ARL6IP1: variants seen among roughly 807,000 people sequenced by gnomAD.
The protein encoded by ARL6IP1 is ADP-ribosylation factor-like protein 6-interacting protein 1.
Under a neutral mutation model 30.1 loss-of-function variants are expected in ARL6IP1, and 16 were observed. The ratio of observed to expected loss-of-function variants is 0.53; its 90% CI spans 0.36 to 0.81. The LOEUF is 0.81. Ranked by LOEUF, ARL6IP1 falls within the 30% of genes least tolerant of loss-of-function variation. The pLI is 0.01. For missense variants in ARL6IP1, 173 were observed against 242.7 expected (o/e 0.71, Z 1.91); for synonymous variants, 72 against 84.8 (o/e 0.85, Z 0.83).
At chr16:18,795,007 G>GA (rs567376785) in intron 4 of ARL6IP1, among the ~76,000 whole-genome samples, 8 of 149,180 alleles carry the variant, frequency 5.4e-5, no homozygotes, top group South Asian at 2.1e-4. Context: ...CAGATGAACA[G>GA]ATGCTTTCCT....
intron 3 of ARL6IP1, among the ~76,000 whole-genome samples, chr16:18,796,349 TAGA>T (rs2030231013): frequency 6.6e-6 from 1 of 152,224 alleles, no homozygotes; most frequent in Non-Finnish European, 1.5e-5. Context: ...ACTGCAGTGA[TAGA>T]TAAAGTACAA....
rs752378535 is a variant in ARL6IP1 at position 18,801,411 on chromosome 16, G to A, written c.36+20C>T. The A allele has an allele frequency of 8.7e-6, 14 of 1,612,488 alleles. No homozygotes were observed. In the Admixed American group the frequency reaches 2.0e-4, roughly 23 times the overall value. On this transcript the variant is annotated intron_variant, in intron 1 of 5. Transcript: ENST00000304414. Reference sequence around the variant, plus strand: ...TGGAGGCCTCGCTCGGCTCCCGGGGGACAGGCAGCCAGGACTCACCAGCAG... The same window carrying A: ...TGGAGGCCTCGCTCGGCTCCCGGGGAACAGGCAGCCAGGACTCACCAGCAG...
chr16:18,795,020 T>G (rs1398499750), intron 4 of ARL6IP1, among the ~76,000 whole-genome samples: 1 of 150,030 alleles, frequency 6.7e-6, no homozygotes, highest in Non-Finnish European at 1.5e-5. Context: ...GCTTTCCTTT[T>G]TTTTTTTTTT....
chr16:18,801,037 G>C (rs1048031543), intron 1 of ARL6IP1, among the ~76,000 whole-genome samples: 2 of 152,360 alleles, frequency 1.3e-5, no homozygotes, highest in East Asian at 1.9e-4. Context: ...GGGAAAAGAA[G>C]GCAGGCACAT....
Position 18,797,907 on chromosome 16 carries a change from A to G in ARL6IP1, c.290+18T>C, listed in dbSNP as rs2030289427. 1 of 1,604,720 alleles carries G rather than the reference A, an allele frequency of 6.2e-7. No homozygotes were observed. Among genetic ancestry groups the G allele is most frequent in the South Asian group, 1.1e-5 (1 of 89,108 alleles). ...TAACTACACAAAAATGAGACTGCCA[A>G]ATCATTATGCTACCTACCATTTATT... On this transcript the variant is annotated intron_variant, in intron 3 of 5. Coordinates refer to ENST00000304414, the MANE Select transcript of ARL6IP1 (RefSeq NM_015161.3).
intron 4 of ARL6IP1, among the ~76,000 whole-genome samples, 171 bp from the exon 5 acceptor site, chr16:18,794,854 T>G (rs2030181711): frequency 6.6e-6 from 1 of 152,230 alleles, no homozygotes; most frequent in Non-Finnish European, 1.5e-5. Flanking sequence ...TTCCATTGGA[T>G]CTACTTTATA....
chr16:18,796,072 G>A (rs1274963502), intron 3 of ARL6IP1, among the ~76,000 whole-genome samples: 2 of 152,148 alleles, frequency 1.3e-5, no homozygotes, highest in Admixed American at 6.5e-5. Context: ...TACATCTGAT[G>A]ACAAGGCAGC....
rs1307444678 is a variant in ARL6IP1 at position 18,801,088 on chromosome 16, G to A, written c.36+343C>T. The A allele has an allele frequency of 5.5e-6, 5 of 906,128 alleles. No individual in the cohort carries two copies. In the East Asian group the frequency reaches 2.1e-4, roughly 38 times the overall value. 56.1% of individuals were successfully genotyped at this position (906,128 alleles called of 1,614,324 possible). A position where few individuals can be genotyped will look rare whatever the true frequency, so the allele number is the denominator to read the frequency against. ...AGACGGGGAAAGCCGAATACGGCTG[G>A]GGCCTGAGCCGCGAAAGCGCTGGAC... On this transcript the variant is annotated intron_variant, in intron 1 of 5. Transcript: ENST00000304414.
At chr16:18,797,791 TA>T in intron 3 of ARL6IP1, 133 bp downstream of exon 3, 3 of 1,131,998 alleles carry the variant, frequency 2.7e-6, no homozygotes, top group South Asian at 1.8e-5. Context: ...ATTCTTCACA[TA>T]AAAGCAATAA....
intron 1 of ARL6IP1, among the ~76,000 whole-genome samples, chr16:18,800,993 C>T (rs1222514776): frequency 2.6e-5 from 4 of 152,334 alleles, no homozygotes; most frequent in South Asian, 2.1e-4. Flanking sequence ...TGGGCAGTAG[C>T]CCTTTGACCC....
intron 3 of ARL6IP1, 28 bp downstream of exon 3, chr16:18,797,897 G>A (rs760639446): frequency 2.5e-6 from 4 of 1,601,376 alleles, no homozygotes; most frequent in Admixed American, 3.5e-5. Flanking sequence ...ACACAAAAAT[G>A]AGACTGCCAA....
rs1317630660 is a variant in ARL6IP1 at position 18,801,127 on chromosome 16, C to G, written c.36+304G>C. On this transcript the variant is annotated intron_variant, in intron 1 of 5. Coordinates refer to ENST00000304414, the MANE Select transcript of ARL6IP1 (RefSeq NM_015161.3). ...AAAGCGCTGGACAGGCCCCAGGAGG[C>G]CTTCTGCCCCCACCCGCACCCCAGG... The G allele has an allele frequency of 2.3e-6, 3 of 1,283,194 alleles. No homozygotes were observed. In the East Asian group the frequency reaches 1.0e-4, roughly 44 times the overall value. 79.5% of individuals were successfully genotyped at this position (1,283,194 alleles called of 1,614,324 possible).
chr16:18,793,279 G>C lies in ARL6IP1; in HGVS notation c.585C>G (p.Leu195=). Residue 195 remains leucine (L), a synonymous_variant, in exon 6 of 6, where the codon CTC becomes CTG. Transcript: ENST00000304414. Reference sequence around the variant, plus strand: ...ATTCGTTTTTCTTTTCTTTTTGTTTGAGAAGTTTGTTTATCTCCCTCTTGG... The same window carrying C: ...ATTCGTTTTTCTTTTCTTTTTGTTTCAGAAGTTTGTTTATCTCCCTCTTGG... The part of the protein sequence containing the change: ...GMAKREINKL[L]KQKEKKNE The C allele has an allele frequency of 6.2e-7, 1 of 1,611,600 alleles. No individual in the cohort carries two copies. Among genetic ancestry groups the C allele is most frequent in the Admixed American group, 1.7e-5 (1 of 59,826 alleles).
In ARL6IP1 at chr16:18,793,188, T is replaced by C. The variant is rs2030119340; in HGVS notation, c.*64A>G. ...CCGTAACATTTTAGTATCCAGATAG[T>C]ACAGCAGAAACGGTTCCCGGGGCAA... is the stretch of plus-strand genomic sequence containing the variant. On this transcript the variant is annotated 3_prime_UTR_variant, in exon 6 of 6. Coordinates refer to ENST00000304414, the MANE Select transcript of ARL6IP1 (RefSeq NM_015161.3). 6 of 1,041,026 alleles carry C rather than the reference T, an allele frequency of 5.8e-6. No homozygotes were observed. In the East Asian group the frequency reaches 7.2e-5, roughly 13 times the overall value. The allele number at this position is 1,041,026 out of a possible 1,614,324, so 64.5% of individuals were successfully genotyped here.
At position 18,793,359 on chromosome 16, in the gene ARL6IP1, G is replaced by C. The variant is rs776403014; in HGVS notation, c.505C>G (p.Leu169Val). 3.8e-6 allele frequency: 6 copies of C among 1,596,062 alleles called. No homozygotes were observed. The highest frequency in any genetic ancestry group is 1.7e-5 in the Admixed American group (1 of 57,484). ...TGTTGGTTTAGTCCAGGAAGCAATA[G>C]TAAGGAAGTCACTTAAAATAAAAAA... is the stretch of plus-strand genomic sequence containing the variant. ...LLTYLIVTSL[L>V]LLPGLNQHGI... Residue 169 changes from leucine (L) to valine (V), a missense_variant, in exon 6 of 6, where the codon CTA becomes GTA. Leu to Val is a conservative substitution (Grantham distance 32). Coordinates refer to ENST00000304414, the MANE Select transcript of ARL6IP1 (RefSeq NM_015161.3).
chr16:18,793,763 G>A (rs2030143984), intron 5 of ARL6IP1, among the ~76,000 whole-genome samples: 1 of 152,012 alleles, frequency 6.6e-6, no homozygotes, highest in African/African-American at 2.4e-5. Context: ...AGGCTGGAGT[G>A]CAATGGCACA....
At chr16:18,801,300 G>A in intron 1 of ARL6IP1, 131 bp downstream of exon 1, 2 of 1,506,854 alleles carry the variant, frequency 1.3e-6, no homozygotes, top group Non-Finnish European at 1.8e-6. Flanking sequence ...CCGAGGGCCA[G>A]GCATCGTCGC....
At chr16:18,793,828 C>T (rs2030146764) in intron 5 of ARL6IP1, among the ~76,000 whole-genome samples, 1 of 152,156 alleles carries the variant, frequency 6.6e-6, no homozygotes, top group Non-Finnish European at 1.5e-5. Context: ...TCCTGCCTCA[C>T]CCTACCAAGT....
chr16:18,797,599 T>C lies in ARL6IP1; in HGVS notation c.290+326A>G, dbSNP rs890384240. Reference sequence around the variant, plus strand: ...GCCACAGTAGGCATTTAATAAATAATTGCTAAATGAATGTGAATGAAAATC... The same window carrying C: ...GCCACAGTAGGCATTTAATAAATAACTGCTAAATGAATGTGAATGAAAATC... On this transcript the variant is annotated intron_variant, in intron 3 of 5. Transcript: ENST00000304414. 20 of 183,344 alleles carry C rather than the reference T, an allele frequency of 1.1e-4. 1 individual carries two copies. The East Asian group carries it at 2.2e-3, about 20-fold the overall frequency. 11.4% of individuals were successfully genotyped at this position (183,344 alleles called of 1,614,324 possible).
Sources: gnomAD v4.1 joint callset for allele counts (sites outside exome capture counted in the v4.1 genomes callset) on GRCh38, gnomAD v4.1.1 for gene constraint, MANE v1.5 for transcripts, NCBI Gene and HGNC (gene_info 2026-07-23, HGNC 2026-07-21) for gene names.